UQCC1: variants seen among roughly 807,000 people sequenced by gnomAD.
UQCC1 encodes bFGF-repressed Zic-binding protein.
In UQCC1, 38 loss-of-function variants were observed where a neutral mutation model predicts 48.0. That is an observed-to-expected ratio of 0.79 (90% confidence interval 0.61 to 1.04). The LOEUF (loss-of-function observed/expected upper bound fraction) is 1.04, where lower values mean the gene tolerates loss of function less well. Ranked by LOEUF, UQCC1 falls within the 50% of genes least tolerant of loss-of-function variation. The pLI, the probability that UQCC1 is intolerant of heterozygous loss-of-function variation, is 0.00. For synonymous variants in UQCC1, 111 were observed against 129.2 expected (o/e 0.86, Z 0.95); for missense variants, 368 against 381.8 (o/e 0.96, Z 0.30).
intron 1 of UQCC1, among the ~76,000 whole-genome samples, chr20:35,395,043 G>C (rs1204656): frequency 6.6e-6 from 1 of 151,988 alleles, no homozygotes; most frequent in South Asian, 2.1e-4. Context: ...GCAAAAGACA[G>C]GGTACGGGGT....
chr20:35,392,449 A>G (rs2062024745), intron 2 of UQCC1, among the ~76,000 whole-genome samples: 1 of 152,186 alleles, frequency 6.6e-6, no homozygotes, highest in Non-Finnish European at 1.5e-5. Context: ...CCCGGTACTT[A>G]TTAGGTGCTC....
chr20:35,362,146 CA>C (rs1201710358), intron 6 of UQCC1, among the ~76,000 whole-genome samples: 1 of 152,176 alleles, frequency 6.6e-6, no homozygotes, highest in Non-Finnish European at 1.5e-5. Context: ...GAAGGAAAAA[CA>C]GGAATTTGTC....
At chr20:35,376,633 T>A (rs1033210051) in intron 4 of UQCC1, among the ~76,000 whole-genome samples, 2 of 152,054 alleles carry the variant, frequency 1.3e-5, no homozygotes, top group Non-Finnish European at 1.5e-5. Flanking sequence ...CAGACCCAGA[T>A]AGCATCACTA....
intron 7 of UQCC1, among the ~76,000 whole-genome samples, chr20:35,317,301 T>G (rs761345215): frequency 1.9e-4 from 29 of 152,246 alleles, no homozygotes; most frequent in Non-Finnish European, 3.7e-4. Context: ...TTCATTAATT[T>G]AATAATGTAT....
Position 35,366,803 on chromosome 20 carries a change from A to G in UQCC1, c.407-189T>C, listed in dbSNP as rs527799188. On this transcript the variant is annotated intron_variant, in intron 5 of 9. Transcript: ENST00000374385. ...AATCATAGCACGCCAGGAGTAAAAGAAAAAAAAAGGATGGATGCGGTGGCT... is the reference window on the plus strand; with the variant it reads ...AATCATAGCACGCCAGGAGTAAAAGGAAAAAAAAGGATGGATGCGGTGGCT... Among the ~76,000 whole-genome samples, 251 of 151,502 alleles carry G rather than the reference A, an allele frequency of 1.7e-3. 2 individuals carry two copies. The highest frequency in any genetic ancestry group is 2.1e-3 in the Non-Finnish European group (145 of 67,772).
chr20:35,322,619 A>G (rs2061143790), intron 7 of UQCC1, among the ~76,000 whole-genome samples: 1 of 152,030 alleles, frequency 6.6e-6, no homozygotes, highest in Non-Finnish European at 1.5e-5. Context: ...CTGTAGTCCC[A>G]GCTACTCAGG....
At chr20:35,310,644 C>CAAAAAA (rs1199768843) in intron 8 of UQCC1, among the ~76,000 whole-genome samples, 1 of 44,144 alleles carries the variant, frequency 2.3e-5, no homozygotes, top group African/African-American at 8.4e-5. Flanking sequence ...GACTCTGTCT[C>CAAAAAA]AAAAAAAAAA....
chr20:35,406,145 C>T (rs1056495574), intron 1 of UQCC1, among the ~76,000 whole-genome samples: 1 of 151,966 alleles, frequency 6.6e-6, no homozygotes, highest in Non-Finnish European at 1.5e-5. Context: ...ATCAAACACA[C>T]CAATATATGT....
intron 7 of UQCC1, among the ~76,000 whole-genome samples, chr20:35,325,121 G>C (rs2146333918): frequency 6.6e-6 from 1 of 152,326 alleles, no homozygotes; most frequent in South Asian, 2.1e-4. Flanking sequence ...TGTATAATTT[G>C]ATTTATATGA....
At chr20:35,355,560 C>G (rs1221182376) in intron 6 of UQCC1, among the ~76,000 whole-genome samples, 1 of 152,228 alleles carries the variant, frequency 6.6e-6, no homozygotes, top group African/African-American at 2.4e-5. Context: ...CTTAAGAAGT[C>G]AGCTGCCTGG....
chr20:35,354,324 A>T (rs2061521688), intron 6 of UQCC1, among the ~76,000 whole-genome samples: 1 of 152,168 alleles, frequency 6.6e-6, no homozygotes. Context: ...TATAACCTGT[A>T]CCTAATTTTG....
intron 5 of UQCC1, among the ~76,000 whole-genome samples, chr20:35,371,335 GT>G (rs1420797962): frequency 1.0e-5 from 1 of 100,054 alleles, no homozygotes; most frequent in East Asian, 4.1e-4. Context: ...GAGGATGAGG[GT>G]TTTTTTTGTT....
At chr20:35,372,281 C>A (rs2061742350) in intron 5 of UQCC1, among the ~76,000 whole-genome samples, 1 of 151,136 alleles carries the variant, frequency 6.6e-6, no homozygotes, top group South Asian at 2.1e-4. Context: ...TGCAGTCCAG[C>A]CTGGGTGACA....
At chr20:35,389,020 C>T (rs6141550) in intron 2 of UQCC1, among the ~76,000 whole-genome samples, 79,363 of 151,620 alleles carry the variant, frequency 0.52, 22,413 homozygotes, top group East Asian at 0.72. Flanking sequence ...GAGCCAAGAT[C>T]GCACCACTGC....
At chr20:35,331,875 T>A (rs1375665528) in intron 7 of UQCC1, among the ~76,000 whole-genome samples, 2 of 152,192 alleles carry the variant, frequency 1.3e-5, no homozygotes, top group Non-Finnish European at 2.9e-5. Context: ...AAATACAGCA[T>A]CCTGATAGCT....
At chr20:35,390,989 A>G (rs2062007523) in intron 2 of UQCC1, among the ~76,000 whole-genome samples, 1 of 152,146 alleles carries the variant, frequency 6.6e-6, no homozygotes, top group Non-Finnish European at 1.5e-5. Context: ...TCGGATCAGG[A>G]GTTCAAGACC....
intron 7 of UQCC1, among the ~76,000 whole-genome samples, chr20:35,338,465 A>T (rs2425065): frequency 0.46 from 69,341 of 151,850 alleles, 16,871 homozygotes; most frequent in African/African-American, 0.63. Context: ...TAGCTGTATG[A>T]CCTTGGCCAA....
intron 7 of UQCC1, among the ~76,000 whole-genome samples, chr20:35,343,160 A>G (rs939908974): frequency 5.3e-5 from 8 of 152,176 alleles, no homozygotes; most frequent in African/African-American, 1.9e-4. Context: ...TCTACATTTT[A>G]TATGTTTTCT....
At chr20:35,354,546 G>A (rs949559975) in intron 6 of UQCC1, among the ~76,000 whole-genome samples, 3 of 152,020 alleles carry the variant, frequency 2.0e-5, no homozygotes, top group Admixed American at 6.6e-5. Context: ...ACAGGTGCCC[G>A]CCACCACACC....
Sources: gnomAD v4.1 joint callset for allele counts (sites outside exome capture counted in the v4.1 genomes callset) on GRCh38, gnomAD v4.1.1 for gene constraint, MANE v1.5 for transcripts, NCBI Gene and HGNC (gene_info 2026-07-23, HGNC 2026-07-21) for gene names.